The following GDF1 variants were observed in gnomAD, a reference collection of about 807,000 sequenced individuals.
GDF1 encodes the protein growth differentiation factor 1, also known as embryonic growth/differentiation factor 1.
Under a neutral mutation model 7.4 loss-of-function variants are expected in GDF1, and 8 were observed. That is an observed-to-expected ratio of 1.09 (90% CI 0.64 to 1.96). GDF1 has a LOEUF of 1.96. Ranked by LOEUF, GDF1 falls within the 30% of genes most tolerant of loss-of-function variation. The pLI, the probability that GDF1 is intolerant of heterozygous loss-of-function variation, is 0.00. For synonymous variants in GDF1, 311 were observed against 276.7 expected (o/e 1.12, Z -1.23); for missense variants, 574 against 551.5 (o/e 1.04, Z -0.41).
chr19:18,868,797 A>AT lies in GDF1; in HGVS notation c.918_919insA (p.Ser307IlefsTer45). The AT allele has an allele frequency of 6.9e-7, 1 of 1,457,744 alleles. No homozygotes were observed. The highest frequency in any genetic ancestry group is 2.2e-5 in the Admixed American group (1 of 45,558). The allele number at this position is 1,457,744 out of a possible 1,614,324, so 90.3% of individuals were successfully genotyped here. A position where few individuals can be genotyped will look rare whatever the true frequency, so the allele number is the denominator to read the frequency against. On this transcript the variant is annotated frameshift_variant, in exon 8 of 8. Coordinates refer to ENST00000247005, the MANE Select transcript of GDF1 (RefSeq NM_001492.6). LOFTEE classifies it low-confidence loss of function (END_TRUNC). ...AGCGCCGGCGGCCCCCCGGACCCCG[A>AT]CAGCGCGACGGGCAGCGCGCACTGA... is the stretch of plus-strand genomic sequence containing the variant.
chr19:18,869,666 C>T (rs531304953), intron 7 of GDF1, among the ~76,000 whole-genome samples: 2 of 141,234 alleles, frequency 1.4e-5, no homozygotes, highest in African/African-American at 5.3e-5. Flanking sequence ...AACCTGGGCC[C>T]CTGGGGAAGC....
rs776349995 is a variant in GDF1, at chr19:18,869,967, C to T, written c.325+16G>A. 4 of 1,572,868 alleles carry T rather than the reference C, an allele frequency of 2.5e-6. No homozygotes were observed. Among genetic ancestry groups the T allele is most frequent in the Non-Finnish European group, 2.6e-6 (3 of 1,160,988 alleles). ...TGGCCTCCAGGACCAGTGTCCCCAG[C>T]GAAAGCCCCACTCACCGCGGTCCGG... On this transcript the variant is annotated intron_variant, in intron 7 of 7. Transcript: ENST00000247005.
In GDF1 at chr19:18,877,342, A is replaced by G. The variant is rs921717563; in HGVS notation, c.-313+1588T>C. Among the ~76,000 whole-genome samples the G allele has an allele frequency of 3.9e-5, 6 of 152,130 alleles. 1 individual carries two copies. The highest frequency in any genetic ancestry group is 1.4e-4 in the African/African-American group (6 of 41,424). ...CCGAGGATGTCCCCACCATGAGCTC[A>G]CTGTTCTACAGCAAGAGGACCTTCC... On this transcript the variant is annotated intron_variant, in intron 6 of 7. Coordinates refer to ENST00000247005, the MANE Select transcript of GDF1 (RefSeq NM_001492.6).
chr19:18,880,175 G>T, intron 4 of GDF1, 99 bp downstream of exon 4: 1 of 1,295,418 alleles, frequency 7.7e-7, no homozygotes, highest in Non-Finnish European at 1.0e-6. Context: ...CACCTCACCG[G>T]GCCCCGCCTC....
Position 18,878,390 on chromosome 19 carries a change from C to T in GDF1, c.-313+540G>A. ...GGGCTATCTCCTTCCCCAGGACTCC[C>T]ACCTGGGCTGGACTGAGTCTGAGCT... On this transcript the variant is annotated intron_variant, in intron 6 of 7. Coordinates refer to ENST00000247005, the MANE Select transcript of GDF1 (RefSeq NM_001492.6). This position sits in a 1 kb window ranked among gnomAD's most constrained non-coding sequence, Gnocchi z 4.6. 3 of 987,382 alleles carry T rather than the reference C, an allele frequency of 3.0e-6. No homozygotes were observed. Among genetic ancestry groups the T allele is most frequent in the Non-Finnish European group, 3.6e-6 (3 of 831,328 alleles). 61.2% of individuals were successfully genotyped at this position (987,382 alleles called of 1,614,324 possible).
intron 7 of GDF1, 115 bp downstream of exon 7, chr19:18,869,867 TG>T: frequency 9.8e-7 from 1 of 1,019,144 alleles, no homozygotes; most frequent in Non-Finnish European, 1.5e-6. Flanking sequence ...GCTAGTAGCC[TG>T]GACAGGGCGG....
At chr19:18,876,904 C>A (rs2056070027) in intron 6 of GDF1, among the ~76,000 whole-genome samples, 1 of 152,174 alleles carries the variant, frequency 6.6e-6, no homozygotes, top group Admixed American at 6.5e-5. Context: ...CTTTCCTGGT[C>A]CAGGAGCCCA....
At chr19:18,891,890 C>G (rs2056499894) in intron 2 of GDF1, among the ~76,000 whole-genome samples, 1 of 148,208 alleles carries the variant, frequency 6.7e-6, no homozygotes, top group Non-Finnish European at 1.5e-5. Flanking sequence ...ACTTCTCATT[C>G]TCATCTTTTT....
Position 18,878,738 on chromosome 19 carries a change from C to T in GDF1, c.-313+192G>A. The T allele has an allele frequency of 7.1e-7, 1 of 1,403,540 alleles. No homozygotes were observed. Among genetic ancestry groups the T allele is most frequent in the South Asian group, 1.5e-5 (1 of 66,388 alleles). 86.9% of individuals were successfully genotyped at this position (1,403,540 alleles called of 1,614,324 possible). On this transcript the variant is annotated intron_variant, in intron 6 of 7. Transcript: ENST00000247005. This position sits in a 1 kb window ranked among gnomAD's most constrained non-coding sequence, Gnocchi z 4.6. ...TCCCCAGCCTCTCCCTCCCCTTCCT[C>T]ACTGTCCTGTCCTTCAGGGTACTGG...
rs1245731033 is a variant in GDF1 at position 18,868,709 on chromosome 19, C to T, written c.1007G>A (p.Cys336Tyr). The change falls in exon 8 of 8, where the codon TGC becomes TAC. Residue 336 changes from cysteine to tyrosine, a missense_variant. Cys to Tyr is a radical substitution (Grantham distance 194). Coordinates refer to ENST00000247005, the MANE Select transcript of GDF1 (RefSeq NM_001492.6). ...GGGCGACAGGCGCGCGGGCACGCAG[C>T]AGGGCAGGTCGGCGGCTCCCGGGGC... ...AAAPGAADLPCCVPARLSPIS... is the reference protein window; with the variant it reads ...AAAPGAADLPYCVPARLSPIS... 2.6e-6 allele frequency: 4 copies of T among 1,549,472 alleles called. No homozygotes were observed. In the East Asian group the frequency reaches 9.7e-5, roughly 38 times the overall value.
Position 18,868,597 on chromosome 19 carries a change from T to C in GDF1, c.1119A>G (p.Ter373=). The C allele has an allele frequency of 6.4e-7, 1 of 1,554,618 alleles. No homozygotes were observed. Among genetic ancestry groups the C allele is most frequent in the Non-Finnish European group, 8.7e-7 (1 of 1,148,656 alleles). The change falls in exon 8 of 8, where the codon TAA becomes TAG. Residue 373 remains the stop codon, a stop_retained_variant. Transcript: ENST00000247005. ...DMVVDECGCR[*] is the part of the protein sequence containing the mutation. Reference sequence around the variant, plus strand: ...GGCCCGCGTCCCTGCCCGCCCCGGGTTAGCGGCAGCCGCACTCGTCCACCA... The same window carrying C: ...GGCCCGCGTCCCTGCCCGCCCCGGGCTAGCGGCAGCCGCACTCGTCCACCA...
intron 2 of GDF1, among the ~76,000 whole-genome samples, chr19:18,892,701 G>GT (rs545281314): frequency 1.2e-4 from 18 of 152,048 alleles, no homozygotes; most frequent in Non-Finnish European, 2.2e-4. Context: ...CCCATGAAAC[G>GT]TGAGTGCCTC....
chr19:18,895,767 C>T lies in GDF1; in HGVS notation c.-1074+57G>A. On this transcript the variant is annotated intron_variant, in intron 1 of 7. Coordinates refer to ENST00000247005, the MANE Select transcript of GDF1 (RefSeq NM_001492.6). The surrounding 1 kb of genome is among the most constrained non-coding windows in gnomAD (Gnocchi z 6.4). The stretch of plus-strand genomic sequence containing the variant: ...GAACGCGCCGGCGGCCCCAGGTCCC[C>T]GGTCCCGGCTTCCCCCAGTCCGGGG... The T allele has an allele frequency of 9.9e-7, 1 of 1,010,648 alleles. No homozygotes were observed. The highest frequency in any genetic ancestry group is 1.2e-6 in the Non-Finnish European group (1 of 804,678). The allele number at this position is 1,010,648 out of a possible 1,614,324, so 62.6% of individuals were successfully genotyped here. A position where few individuals can be genotyped will look rare whatever the true frequency, so the allele number is the denominator to read the frequency against.
chr19:18,883,849 T>C (rs2056277735), intron 3 of GDF1, among the ~76,000 whole-genome samples: 1 of 152,178 alleles, frequency 6.6e-6, no homozygotes, highest in Admixed American at 6.5e-5. Context: ...TCTGGGCCTG[T>C]TTCACCCCAT....
At chr19:18,880,458 G>A in intron 3 of GDF1, 23 bp from the exon 4 acceptor site, 1 of 1,562,098 alleles carries the variant, frequency 6.4e-7, no homozygotes, top group Non-Finnish European at 8.7e-7. Context: ...CAGGCAGAGA[G>A]GAGAGGGCAG....
At chr19:18,873,789 C>T (rs1273218005) in intron 6 of GDF1, among the ~76,000 whole-genome samples, 3 of 148,648 alleles carry the variant, frequency 2.0e-5, no homozygotes, top group Admixed American at 6.7e-5. Context: ...TGCAGTGAGC[C>T]GAGATCTCAC....
chr19:18,877,872 C>T (rs1216710729), intron 6 of GDF1: 2 of 719,440 alleles, frequency 2.8e-6, no homozygotes, highest in East Asian at 1.3e-4. Context: ...CCCTCTGCCC[C>T]AATCCCATCT....
chr19:18,875,228 C>G (rs1253360044), intron 6 of GDF1, among the ~76,000 whole-genome samples: 1 of 138,176 alleles, frequency 7.2e-6, no homozygotes, highest in African/African-American at 2.7e-5. Context: ...AGAGTGGGAC[C>G]GTCTCTAAAA....
chr19:18,890,687 G>A (rs1057217779), intron 2 of GDF1, among the ~76,000 whole-genome samples: 1 of 151,622 alleles, frequency 6.6e-6, no homozygotes, highest in Non-Finnish European at 1.5e-5. Flanking sequence ...AGGCTGAGGT[G>A]GGATGATTGC....
Sources: gnomAD v4.1 joint callset for allele counts (sites outside exome capture counted in the v4.1 genomes callset) on GRCh38, gnomAD v4.1.1 for gene constraint, Gnocchi (gnomAD v3.1) non-coding constraint, MANE v1.5 for transcripts, NCBI Gene and HGNC (gene_info 2026-07-23, HGNC 2026-07-21) for gene names.